The following ZFP2 variants were observed in gnomAD, a reference collection of about 807,000 sequenced individuals.
ZFP2 encodes the protein ZFP2 zinc finger protein.
ZFP2 carries 33 observed loss-of-function variants against 36.1 expected under a neutral mutation model. The observed-to-expected ratio is 0.92, with a 90% CI of 0.69 to 1.22. The LOEUF is 1.22. Among genes scored for constraint, ZFP2 ranks in the 50% most tolerant of loss-of-function variants. The pLI, the probability that ZFP2 is intolerant of heterozygous loss-of-function variation, is 0.00. For missense variants in ZFP2, 522 were observed against 551.4 expected (o/e 0.95, Z 0.53); for synonymous variants, 170 against 178.0 (o/e 0.96, Z 0.36).
At chr5:178,923,402 G>A (rs7711064) in intron 4 of ZFP2, among the ~76,000 whole-genome samples, 6 of 149,412 alleles carry the variant, frequency 4.0e-5, no homozygotes, top group East Asian at 1.9e-4. Context: ...TTGTCTTTTC[G>A]TGACTGGCTT....
intron 4 of ZFP2, among the ~76,000 whole-genome samples, chr5:178,925,655 G>A (rs1758654529): frequency 1.3e-5 from 2 of 149,050 alleles, no homozygotes; most frequent in South Asian, 4.2e-4. Context: ...TGTTGAGATT[G>A]GGCATCTTTG....
intron 1 of ZFP2, among the ~76,000 whole-genome samples, chr5:178,899,430 A>C (rs1390511519): frequency 6.6e-6 from 1 of 152,202 alleles, no homozygotes; most frequent in African/African-American, 2.4e-5. Flanking sequence ...AGTTGTAGGC[A>C]TTCTTAGTAT....
intron 4 of ZFP2, among the ~76,000 whole-genome samples, chr5:178,916,911 A>C (rs1028932810): frequency 6.6e-6 from 1 of 152,086 alleles, no homozygotes; most frequent in Admixed American, 6.5e-5. Context: ...ATCCTGGCCT[A>C]ATTTTCTTTT....
At position 178,931,241 on chromosome 5, in the gene ZFP2, GGAGACAA is replaced by G. The variant is rs1758827949; in HGVS notation, c.-70_-64del. ...TGAATTTTTTTTTTTTTTCAGACTG[GGAGACAA>G]GACTTGAAACCAAAGAGCCAACTCC... is the stretch of plus-strand genomic sequence containing the variant. On this transcript the variant is annotated 5_prime_UTR_variant, in exon 5 of 5. Coordinates refer to ENST00000361362, the MANE Select transcript of ZFP2 (RefSeq NM_030613.4). 6.6e-7 allele frequency: 1 copy of G among 1,514,596 alleles called. No individual in the cohort carries two copies. The highest frequency in any genetic ancestry group is 1.4e-5 in the African/African-American group (1 of 71,218). 93.8% of individuals were successfully genotyped at this position (1,514,596 alleles called of 1,614,324 possible). A position where few individuals can be genotyped will look rare whatever the true frequency, so the allele number is the denominator to read the frequency against.
chr5:178,914,283 A>G (rs991794370), intron 3 of ZFP2, among the ~76,000 whole-genome samples: 1 of 152,186 alleles, frequency 6.6e-6, no homozygotes. Context: ...TATAGGAAAA[A>G]CATTGCCTGT....
At position 178,932,649 on chromosome 5, in the gene ZFP2, G is replaced by T; in HGVS notation, c.1336G>T (p.Ala446Ser). The T allele has an allele frequency of 6.2e-7, 1 of 1,612,990 alleles. No homozygotes were observed. Among genetic ancestry groups the T allele is most frequent in the Non-Finnish European group, 8.5e-7 (1 of 1,179,538 alleles). ...KPYQCNECGKAFSRSTNLTRH... is the reference protein window; with the variant it reads ...KPYQCNECGKSFSRSTNLTRH... ...CTATCAGTGTAATGAATGCGGAAAA[G>T]CCTTCAGCCGGAGTACAAACCTTAC... Residue 446 changes from alanine to serine, a missense_variant, in exon 5 of 5, where the codon GCC becomes TCC. Transcript: ENST00000361362.
chr5:178,913,221 G>A (rs1451276311), intron 3 of ZFP2, 150 bp downstream of exon 3: 2 of 260,958 alleles, frequency 7.7e-6, no homozygotes, highest in African/African-American at 4.6e-5. Flanking sequence ...TTTTCTCTAG[G>A]GCTCACTTAT....
chr5:178,927,653 T>C (rs111853235), intron 4 of ZFP2, among the ~76,000 whole-genome samples: 12,496 of 145,628 alleles, frequency 0.086, 673 homozygotes, highest in Non-Finnish European at 0.12. Flanking sequence ...CACACCATCA[T>C]ACCTGGCCAA....
chr5:178,930,087 G>T (rs1758794196), intron 4 of ZFP2, among the ~76,000 whole-genome samples: 1 of 151,578 alleles, frequency 6.6e-6, no homozygotes, highest in Admixed American at 6.6e-5. Flanking sequence ...ATGATAGGGA[G>T]GACAGTACCA....
intron 1 of ZFP2, among the ~76,000 whole-genome samples, chr5:178,899,982 A>G (rs182146886): frequency 6.6e-6 from 1 of 152,280 alleles, no homozygotes; most frequent in Admixed American, 6.5e-5. Context: ...TTTCTTCAGT[A>G]TTATCAAACT....
chr5:178,911,881 A>G (rs1195019551), intron 1 of ZFP2, among the ~76,000 whole-genome samples: 1 of 152,134 alleles, frequency 6.6e-6, no homozygotes, highest in East Asian at 1.9e-4. Context: ...CACTCCTGTA[A>G]TCCCAGCTCT....
At chr5:178,898,211 C>G (rs2113038032) in intron 1 of ZFP2, among the ~76,000 whole-genome samples, 1 of 152,320 alleles carries the variant, frequency 6.6e-6, no homozygotes, top group East Asian at 1.9e-4. Flanking sequence ...GTCTCGAACT[C>G]CTGGCCTCAA....
chr5:178,911,006 T>C (rs1758287262), intron 1 of ZFP2, among the ~76,000 whole-genome samples: 1 of 152,224 alleles, frequency 6.6e-6, no homozygotes, highest in Non-Finnish European at 1.5e-5. Flanking sequence ...TTATGCGGTC[T>C]TATTTCCTTT....
intron 1 of ZFP2, among the ~76,000 whole-genome samples, chr5:178,896,367 C>T (rs1454914624): frequency 6.6e-6 from 1 of 152,228 alleles, no homozygotes. Context: ...TGGCTTTCCC[C>T]AGCCGCGCGC....
chr5:178,932,108 T>G lies in ZFP2; in HGVS notation c.795T>G (p.Thr265=). The part of the protein sequence containing the change: ...MHLIVHQRSH[T]GEKPYECSQC... ...TTATTGTACATCAGAGAAGCCATACTGGAGAAAAACCCTATGAGTGTAGTC... is the reference window on the plus strand; with the variant it reads ...TTATTGTACATCAGAGAAGCCATACGGGAGAAAAACCCTATGAGTGTAGTC... The change falls in exon 5 of 5, where the codon ACT becomes ACG. Residue 265 remains threonine, a synonymous_variant. Coordinates refer to ENST00000361362, the MANE Select transcript of ZFP2 (RefSeq NM_030613.4). 6.2e-7 allele frequency: 1 copy of G among 1,612,066 alleles called. No homozygotes were observed. The highest frequency in any genetic ancestry group is 8.5e-7 in the Non-Finnish European group (1 of 1,178,318).
intron 4 of ZFP2, among the ~76,000 whole-genome samples, chr5:178,925,985 C>T (rs1283247229): frequency 6.7e-6 from 1 of 148,492 alleles, no homozygotes; most frequent in Non-Finnish European, 1.5e-5. Context: ...TAGCTGAGAC[C>T]ACATGTGTGC....
In ZFP2 at chr5:178,905,234, T is replaced by C. The variant is rs1006021212; in HGVS notation, c.-449-7350T>C. 3.9e-5 allele frequency among the ~76,000 whole-genome samples: 6 copies of C among 152,350 alleles called. No individual in the cohort carries two copies. The South Asian group carries it at 1.2e-3, about 32-fold the overall frequency. The stretch of plus-strand genomic sequence containing the variant: ...CATATTAAGTAAAAAAATGATACTT[T>C]ATTCTATTCAGATCTTTCATTATGG... On this transcript the variant is annotated intron_variant, in intron 1 of 4. Transcript: ENST00000361362.
intron 1 of ZFP2, chr5:178,910,410 G>A (rs754548501): frequency 2.1e-5 from 18 of 858,578 alleles, no homozygotes; most frequent in African/African-American, 8.2e-5. Flanking sequence ...TCCTGAGGAT[G>A]TTGGCAGCTG....
intron 1 of ZFP2, among the ~76,000 whole-genome samples, chr5:178,899,714 G>A (rs1272519566): frequency 1.3e-5 from 2 of 151,998 alleles, no homozygotes; most frequent in Admixed American, 6.6e-5. Flanking sequence ...GGGATAGTAG[G>A]TGAGGATTCC....
Sources: gnomAD v4.1 joint callset for allele counts (sites outside exome capture counted in the v4.1 genomes callset) on GRCh38, gnomAD v4.1.1 for gene constraint, MANE v1.5 for transcripts, NCBI Gene and HGNC (gene_info 2026-07-23, HGNC 2026-07-21) for gene names.